UMODL1: variants seen among roughly 807,000 people sequenced by gnomAD.
UMODL1 encodes uromodulin like 1.
Under a neutral mutation model 136.3 loss-of-function variants are expected in UMODL1, and 128 were observed. That is an observed-to-expected ratio of 0.94 (90% CI 0.81 to 1.09). UMODL1 has a LOEUF of 1.09. Ranked by LOEUF, UMODL1 falls within the 50% of genes least tolerant of loss-of-function variation. UMODL1 has a pLI of 0.00. For synonymous variants in UMODL1, 721 were observed against 720.0 expected (o/e 1.00, Z -0.02); for missense variants, 1,766 against 1,725.6 (o/e 1.02, Z -0.41).
intron 21 of UMODL1, among the ~76,000 whole-genome samples, chr21:42,132,599 C>CCCAT (rs1183006140): frequency 2.0e-5 from 3 of 151,516 alleles, no homozygotes; most frequent in African/African-American, 7.3e-5. Context: ...CATCCACCCA[C>CCCAT]CCATCCATCC....
chr21:42,127,791 T>C lies in UMODL1; in HGVS notation c.3650T>C (p.Leu1217Pro), dbSNP rs780133551. ...TCCATCGTCTACCTGCACTGCAAACTCCGCGTCTGCATGGAATCCCCCGGA... is the reference window on the plus strand; with the variant it reads ...TCCATCGTCTACCTGCACTGCAAACCCCGCGTCTGCATGGAATCCCCCGGA... ...NDSIVYLHCK[L>P]RVCMESPGAT... Residue 1217 changes from leucine (L) to proline (P), a missense_variant, in exon 20 of 23, where the codon CTC (leucine) becomes CCC (proline). Leu to Pro is a moderately conservative substitution (Grantham distance 98). Coordinates refer to ENST00000408910, the MANE Select transcript of UMODL1 (RefSeq NM_001004416.3). 3 of 1,613,992 alleles carry C rather than the reference T, an allele frequency of 1.9e-6. No individual in the cohort carries two copies. The African/African-American group carries it at 4.0e-5, about 22-fold the overall frequency.
chr21:42,084,037 G>A (rs763386042), intron 2 of UMODL1, 47 bp from the exon 3 acceptor site: 2 of 1,598,236 alleles, frequency 1.3e-6, no homozygotes, highest in African/African-American at 1.3e-5. Flanking sequence ...AGCAAATCAG[G>A]TTTGTCTTTT....
intron 21 of UMODL1, among the ~76,000 whole-genome samples, chr21:42,137,121 C>A (rs1344731305): frequency 1.3e-5 from 2 of 152,326 alleles, no homozygotes; most frequent in African/African-American, 4.8e-5. Context: ...TGTTGTGGAG[C>A]CTGTGTAGGC....
intron 2 of UMODL1, among the ~76,000 whole-genome samples, chr21:42,082,114 G>A (rs2066369253): frequency 6.6e-6 from 1 of 152,248 alleles, no homozygotes; most frequent in Admixed American, 6.5e-5. Flanking sequence ...GCGCCAGGCA[G>A]ACAGGGCTGG....
At chr21:42,128,683 C>T (rs952424076) in intron 20 of UMODL1, among the ~76,000 whole-genome samples, 1 of 152,230 alleles carries the variant, frequency 6.6e-6, no homozygotes, top group Non-Finnish European at 1.5e-5. Context: ...GAGGAGCCTG[C>T]CCCTGGTTCC....
chr21:42,094,455 G>A (rs1168067873), intron 6 of UMODL1, among the ~76,000 whole-genome samples: 1 of 152,230 alleles, frequency 6.6e-6, no homozygotes, highest in East Asian at 1.9e-4. Context: ...TGGTTGGGGA[G>A]GGCTGTGGAG....
intron 18 of UMODL1, 51 bp downstream of exon 18, chr21:42,126,541 C>T (rs751900043): frequency 6.2e-7 from 1 of 1,612,652 alleles, no homozygotes; most frequent in East Asian, 2.2e-5. Flanking sequence ...TCCAGACCAC[C>T]TGCGCTTTGA....
chr21:42,095,888 C>T (rs566208891), intron 6 of UMODL1, among the ~76,000 whole-genome samples: 3 of 152,212 alleles, frequency 2.0e-5, no homozygotes, highest in Admixed American at 6.5e-5. Context: ...GGAAACATTA[C>T]CTGTAACCAT....
At chr21:42,110,500 C>T (rs557277578) in intron 10 of UMODL1, among the ~76,000 whole-genome samples, 1 of 152,344 alleles carries the variant, frequency 6.6e-6, no homozygotes, top group African/African-American at 2.4e-5. Flanking sequence ...CAGCATCCAG[C>T]ACCAAGTCCC....
intron 17 of UMODL1, among the ~76,000 whole-genome samples, chr21:42,125,635 G>T (rs751671581): frequency 6.6e-6 from 1 of 152,192 alleles, no homozygotes; most frequent in Admixed American, 6.5e-5. Context: ...CAGCAGGGGG[G>T]TGTCTGCAAG....
At chr21:42,082,710 TG>T (rs2066376483) in intron 2 of UMODL1, among the ~76,000 whole-genome samples, 4 of 152,164 alleles carry the variant, frequency 2.6e-5, no homozygotes, top group Admixed American at 2.6e-4. Context: ...TCTCCTGCCC[TG>T]GGCCCACCTC....
At chr21:42,091,279 A>C (rs1204030913) in intron 6 of UMODL1, among the ~76,000 whole-genome samples, 1 of 152,234 alleles carries the variant, frequency 6.6e-6, no homozygotes, top group Non-Finnish European at 1.5e-5. Flanking sequence ...TGATGTCTGC[A>C]CTGGAACCAC....
intron 6 of UMODL1, among the ~76,000 whole-genome samples, chr21:42,092,396 T>G (rs2066502222): frequency 6.6e-6 from 1 of 151,596 alleles, no homozygotes; most frequent in African/African-American, 2.4e-5. Context: ...TTTTTTTGTT[T>G]TTTTTTTTAA....
chr21:42,111,156 A>G, intron 11 of UMODL1, 35 bp downstream of exon 11: 2 of 1,588,944 alleles, frequency 1.3e-6, no homozygotes, highest in Non-Finnish European at 1.7e-6. Flanking sequence ...GGGATGGACC[A>G]GGGGAGCCCC....
chr21:42,092,857 A>AT (rs11322789), intron 6 of UMODL1, among the ~76,000 whole-genome samples: 31,370 of 150,966 alleles, frequency 0.21, 3,465 homozygotes, highest in East Asian at 0.36. Flanking sequence ...CCTTAAGCTC[A>AT]TTTTTTTTTT....
chr21:42,110,992 C>T lies in UMODL1; in HGVS notation c.1770C>T (p.Pro590=). 6.2e-7 allele frequency: 1 copy of T among 1,612,986 alleles called. No homozygotes were observed. Among genetic ancestry groups the T allele is most frequent in the Non-Finnish European group, 8.5e-7 (1 of 1,179,732 alleles). ...ALGLENFTLS[P]SPGYPQGTPA... ...GCCTAGAGAACTTCACCTTGTCACC[C>T]AGTCCTGGGTACCCTCAGGGCACCC... The change falls in exon 11 of 23, where the codon CCC becomes CCT. Residue 590 remains proline (P), a synonymous_variant. Coordinates refer to ENST00000408910, the MANE Select transcript of UMODL1 (RefSeq NM_001004416.3).
chr21:42,139,425 G>C (rs943336456), intron 22 of UMODL1, among the ~76,000 whole-genome samples: 4 of 152,120 alleles, frequency 2.6e-5, no homozygotes, highest in African/African-American at 9.7e-5. Context: ...AGCACCAAGA[G>C]GATGGTGCTA....
At chr21:42,112,564 C>G (rs2066849086) in intron 12 of UMODL1, among the ~76,000 whole-genome samples, 1 of 151,500 alleles carries the variant, frequency 6.6e-6, no homozygotes. Flanking sequence ...GTTCTGTACC[C>G]CCAGCTGTTT....
chr21:42,116,172 C>CAAAAAAAAAAA (rs56162491), intron 14 of UMODL1, among the ~76,000 whole-genome samples, 187 bp downstream of exon 14: 79 of 74,980 alleles, frequency 1.1e-3, no homozygotes, highest in East Asian at 1.5e-3. Context: ...CCATCTCCAC[C>CAAAAAAAAAAA]AAAAAAAAAA....
Sources: gnomAD v4.1 joint callset for allele counts (sites outside exome capture counted in the v4.1 genomes callset) on GRCh38, gnomAD v4.1.1 for gene constraint, MANE v1.5 for transcripts, NCBI Gene and HGNC (gene_info 2026-07-23, HGNC 2026-07-21) for gene names.